The following RTN1 variants were observed in gnomAD, a reference collection of about 807,000 sequenced individuals.
RTN1 encodes reticulon-1.
A neutral mutation model predicts 65.5 loss-of-function variants in RTN1; 25 were observed. That is an observed-to-expected ratio of 0.38 (90% CI 0.28 to 0.53). RTN1 has a LOEUF of 0.53. Ranked by LOEUF, RTN1 falls within the 20% of genes least tolerant of loss-of-function variation. RTN1 has a pLI of 0.79. For missense variants in RTN1, 983 were observed against 1,025.4 expected (o/e 0.96, Z 0.57); for synonymous variants, 471 against 447.6 (o/e 1.05, Z -0.66).
intron 3 of RTN1, among the ~76,000 whole-genome samples, chr14:59,691,114 C>A (rs1316899150): frequency 6.6e-6 from 1 of 151,884 alleles, no homozygotes. Context: ...AGTTGAGACC[C>A]AAAAATCCAT....
At chr14:59,697,265 G>T (rs1010563493) in intron 3 of RTN1, among the ~76,000 whole-genome samples, 4 of 151,952 alleles carry the variant, frequency 2.6e-5, no homozygotes, top group Admixed American at 2.6e-4. Context: ...TGTGTTCCTT[G>T]TTCACAACTT....
intron 1 of RTN1, among the ~76,000 whole-genome samples, chr14:59,775,288 G>A (rs1410164057): frequency 2.0e-5 from 3 of 152,164 alleles, no homozygotes; most frequent in African/African-American, 4.8e-5. Context: ...ACCTTTTGAG[G>A]CCAGCTGCCT....
chr14:59,632,637 C>T (rs1566667166), intron 3 of RTN1, among the ~76,000 whole-genome samples: 1 of 152,102 alleles, frequency 6.6e-6, no homozygotes, highest in Non-Finnish European at 1.5e-5. Flanking sequence ...GTATTGTGTC[C>T]ACCACATTAC....
Position 59,851,628 on chromosome 14 carries a change from G to A in RTN1, c.241+18762C>T, listed in dbSNP as rs575179237. ...TAATCCCAGCACTTTGGGAGGCCAA[G>A]GCGGACAGATCACAAGGTCAAAAGA... On this transcript the variant is annotated intron_variant, in intron 1 of 8. Transcript: ENST00000267484. Among the ~76,000 whole-genome samples, 127 of 152,216 alleles carry A rather than the reference G, an allele frequency of 8.3e-4. 2 individuals carry two copies. Among genetic ancestry groups the A allele is most frequent in the African/African-American group, 3.0e-3 (123 of 41,566 alleles).
chr14:59,782,977 G>A lies in RTN1; in HGVS notation c.242-36496C>T, dbSNP rs950490506. On this transcript the variant is annotated intron_variant, in intron 1 of 8. Coordinates refer to ENST00000267484, the MANE Select transcript of RTN1 (RefSeq NM_021136.3). The stretch of plus-strand genomic sequence containing the variant: ...GGCCCTGACTATGTTGACTCCCCAC[G>A]CTGTGCTAATAAGCACTTTGCACAT... 7.2e-5 allele frequency among the ~76,000 whole-genome samples: 11 copies of A among 151,986 alleles called. No homozygotes were observed. In the South Asian group the frequency reaches 1.2e-3, roughly 17 times the overall value.
At chr14:59,676,624 G>A (rs1349853210) in intron 3 of RTN1, among the ~76,000 whole-genome samples, 2 of 151,904 alleles carry the variant, frequency 1.3e-5, no homozygotes, top group Admixed American at 1.3e-4. Flanking sequence ...AACATGAAAG[G>A]TGGAAGTAAA....
chr14:59,780,913 G>GC (rs1199963762), intron 1 of RTN1, among the ~76,000 whole-genome samples: 1 of 152,120 alleles, frequency 6.6e-6, no homozygotes, highest in African/African-American at 2.4e-5. Context: ...AAGAGAGGAA[G>GC]CCCCCCAAAT....
intron 1 of RTN1, among the ~76,000 whole-genome samples, chr14:59,804,062 T>C (rs1345488263): frequency 6.6e-6 from 1 of 152,190 alleles, no homozygotes; most frequent in East Asian, 1.9e-4. Flanking sequence ...CTATACTTTA[T>C]TCATATCTCC....
rs11353177 is a variant in RTN1 at position 59,710,045 on chromosome 14, C to CTT, written c.1765+16872_1765+16873dup. Among the ~76,000 whole-genome samples, 909 of 110,764 alleles carry CTT rather than the reference C, an allele frequency of 8.2e-3. 15 individuals carry two copies. The highest frequency in any genetic ancestry group is 0.026 in the African/African-American group (782 of 29,542). 72.7% of individuals were successfully genotyped at this position (110,764 alleles called of 152,430 possible). A position where few individuals can be genotyped will look rare whatever the true frequency, so the allele number is the denominator to read the frequency against. Reference sequence around the variant, plus strand: ...TCTCCTCTCCTCTCCCTCTTTCTTTCTTTTTTTTTTTTTTTTTGACAGACT... The same window carrying CTT: ...TCTCCTCTCCTCTCCCTCTTTCTTTCTTTTTTTTTTTTTTTTTTTGACAGACT... On this transcript the variant is annotated intron_variant, in intron 3 of 8. Coordinates refer to ENST00000267484, the MANE Select transcript of RTN1 (RefSeq NM_021136.3).
chr14:59,749,536 T>C (rs1885364259), intron 1 of RTN1, among the ~76,000 whole-genome samples: 1 of 56,944 alleles, frequency 1.8e-5, no homozygotes, highest in Non-Finnish European at 2.6e-5. Flanking sequence ...TATATATCTA[T>C]CTATATATAT....
intron 1 of RTN1, among the ~76,000 whole-genome samples, chr14:59,763,206 G>C (rs78466292): frequency 0.016 from 2,423 of 152,246 alleles, 63 homozygotes; most frequent in African/African-American, 0.056. Context: ...CAGAAGATGT[G>C]CCCCAGAGGT....
chr14:59,727,336 G>A lies in RTN1; in HGVS notation c.1348C>T (p.Gln450Ter). ...CGCTCCTCCCTCAGGATGCTGTACT[G>A]GATGGATGGCGAGGCGGGCGAGGGC... ...PPPSPASPSI[Q>*]YSILREEREA... Residue 450 changes from glutamine (Q) to a stop codon, truncating the protein, a stop_gained, in exon 3 of 9, where the codon CAG (glutamine) becomes TAG (stop). Coordinates refer to ENST00000267484, the MANE Select transcript of RTN1 (RefSeq NM_021136.3). LOFTEE classifies it high-confidence loss of function. The surrounding 1 kb of genome is among the most constrained non-coding windows in gnomAD (Gnocchi z 4.2). The A allele has an allele frequency of 6.6e-7, 1 of 1,518,552 alleles. No individual in the cohort carries two copies. Among genetic ancestry groups the A allele is most frequent in the Non-Finnish European group, 8.8e-7 (1 of 1,131,662 alleles). The allele number at this position is 1,518,552 out of a possible 1,614,324, so 94.1% of individuals were successfully genotyped here. A position where few individuals can be genotyped will look rare whatever the true frequency, so the allele number is the denominator to read the frequency against.
At position 59,866,643 on chromosome 14, in the gene RTN1, A is replaced by G. The variant is rs553752157; in HGVS notation, c.241+3747T>C. Among the ~76,000 whole-genome samples, 6 of 152,300 alleles carry G rather than the reference A, an allele frequency of 3.9e-5. No individual in the cohort carries two copies. The South Asian group carries it at 1.0e-3, about 26-fold the overall frequency. ...TTGTATCCAGAGGATATGCCCACAG[A>G]AATAAATTGCATTAGTTTTCCAAAC... On this transcript the variant is annotated intron_variant, in intron 1 of 8. Coordinates refer to ENST00000267484, the MANE Select transcript of RTN1 (RefSeq NM_021136.3).
rs140921136 is a variant in RTN1 at position 59,746,299 on chromosome 14, C to T, written c.424G>A (p.Glu142Lys). The change falls in exon 2 of 9, where the codon GAG becomes AAG. Residue 142 changes from glutamate (E) to lysine (K), a missense_variant. Glu to Lys is a moderately conservative substitution (Grantham distance 56, BLOSUM62 1). Coordinates refer to ENST00000267484, the MANE Select transcript of RTN1 (RefSeq NM_021136.3). Reference sequence around the variant, plus strand: ...AAGGAGGGGCCGGGTGTACCCAGCTCCTCAGGGCTCTCTGAAATGGTGACG... The same window carrying T: ...AAGGAGGGGCCGGGTGTACCCAGCTTCTCAGGGCTCTCTGAAATGGTGACG... ...GHVTISESPE[E>K]LGTPGPSLPD... 6.2e-6 allele frequency: 10 copies of T among 1,613,946 alleles called. No homozygotes were observed. The African/African-American group carries it at 1.1e-4, about 17-fold the overall frequency.
intron 2 of RTN1, among the ~76,000 whole-genome samples, chr14:59,743,790 C>T (rs1885160775): frequency 6.6e-6 from 1 of 152,150 alleles, no homozygotes; most frequent in Admixed American, 6.5e-5. Context: ...TGCTGGACTC[C>T]AGGGCTCGTC....
chr14:59,813,778 T>G (rs1357217233), intron 1 of RTN1, among the ~76,000 whole-genome samples: 1 of 152,240 alleles, frequency 6.6e-6, no homozygotes, highest in Non-Finnish European at 1.5e-5. Flanking sequence ...TGTTTTATTT[T>G]TATTACTTTT....
chr14:59,612,428 C>CT (rs1331315458), intron 3 of RTN1, among the ~76,000 whole-genome samples: 2 of 152,186 alleles, frequency 1.3e-5, no homozygotes, highest in Non-Finnish European at 2.9e-5. Flanking sequence ...CTCTCTCTCC[C>CT]TTTCTCTGTC....
chr14:59,710,893 AC>A (rs1462846052), intron 3 of RTN1, among the ~76,000 whole-genome samples: 1 of 152,234 alleles, frequency 6.6e-6, no homozygotes, highest in African/African-American at 2.4e-5. Flanking sequence ...CATTTCTTCT[AC>A]CAACCTAACC....
rs1372932309 is a variant in RTN1 at position 59,794,073 on chromosome 14, T to C, written c.242-47592A>G. Reference sequence around the variant, plus strand: ...GTTAGACTGACCCTTCCTCCAGTCCTAGTGATGCTGACTGGCTTAAGTTGA... The same window carrying C: ...GTTAGACTGACCCTTCCTCCAGTCCCAGTGATGCTGACTGGCTTAAGTTGA... On this transcript the variant is annotated intron_variant, in intron 1 of 8. Coordinates refer to ENST00000267484, the MANE Select transcript of RTN1 (RefSeq NM_021136.3). This position sits in a 1 kb window ranked among gnomAD's most constrained non-coding sequence, Gnocchi z 5.1. 6.6e-6 allele frequency among the ~76,000 whole-genome samples: 1 copy of C among 152,194 alleles called. No homozygotes were observed. The highest frequency in any genetic ancestry group is 1.9e-4 in the East Asian group (1 of 5,198).
Sources: allele counts gnomAD v4.1 joint callset (sites outside exome capture counted in the v4.1 genomes callset), GRCh38; gene constraint gnomAD v4.1.1; non-coding constraint Gnocchi (gnomAD v3.1); transcripts MANE v1.5; gene names NCBI Gene and HGNC (gene_info 2026-07-23, HGNC 2026-07-21).